UNKL: variants seen among roughly 807,000 people sequenced by gnomAD.
The protein encoded by UNKL is putative E3 ubiquitin-protein ligase UNKL.
UNKL carries 60 observed loss-of-function variants against 78.0 expected under a neutral mutation model. That is an observed-to-expected ratio of 0.77 (90% confidence interval 0.63 to 0.95). The LOEUF is 0.95. Ranked by LOEUF, UNKL falls within the 40% of genes least tolerant of loss-of-function variation. The pLI, the probability that UNKL is intolerant of heterozygous loss-of-function variation, is 0.00. For synonymous variants in UNKL, 608 were observed against 474.8 expected, an observed-to-expected ratio of 1.28 and a Z score of -3.65; for missense variants, 1,159 against 1,045.7, an observed-to-expected ratio of 1.11 and a Z score of -1.49.
chr16:1,391,160 TACACACACACAC>T (rs59407356), intron 8 of UNKL, among the ~76,000 whole-genome samples: 21 of 144,736 alleles, frequency 1.5e-4, no homozygotes, highest in African/African-American at 3.9e-4. Context: ...CAAAAAAAAA[TACACACACACAC>T]ACACACACAC....
rs2037399687 is a variant in UNKL, at chr16:1,399,041, G to A, written c.734+333C>T. The A allele has an allele frequency of 1.8e-5, 25 of 1,422,886 alleles. No individual in the cohort carries two copies. In the South Asian group the frequency reaches 3.5e-4, roughly 20 times the overall value. 88.1% of individuals were successfully genotyped at this position (1,422,886 alleles called of 1,614,324 possible). On this transcript the variant is annotated intron_variant, in intron 5 of 14. Transcript: ENST00000389221. This position sits in a 1 kb window ranked among gnomAD's most constrained non-coding sequence, Gnocchi z 5.8. ...AGCCCACAGGCTGGAGAGCGTGGCT[G>A]CAACCAGAGGCACGGGTGGGGCACA...
At chr16:1,378,312 CAT>C (rs2036382877) in intron 10 of UNKL, among the ~76,000 whole-genome samples, 3 of 152,350 alleles carry the variant, frequency 2.0e-5, no homozygotes, top group African/African-American at 7.2e-5. Flanking sequence ...GCGGTTTGCC[CAT>C]AGTCAGGTCA....
chr16:1,381,478 G>C (rs2036604614), intron 10 of UNKL, among the ~76,000 whole-genome samples: 1 of 152,088 alleles, frequency 6.6e-6, no homozygotes. Flanking sequence ...AAATTAGCCG[G>C]GCATGATGGC....
At chr16:1,406,101 C>T in intron 2 of UNKL, 1 of 455,084 alleles carries the variant, frequency 2.2e-6, no homozygotes, top group South Asian at 1.5e-5. Context: ...AGGCAGTGTA[C>T]ACGACTCCCT....
chr16:1,379,061 A>C (rs2036451968), intron 10 of UNKL: 1 of 152,126 alleles, frequency 6.6e-6, no homozygotes, highest in Non-Finnish European at 1.5e-5. Context: ...GGGCGTTAGG[A>C]AACCACCGGC....
Position 1,367,626 on chromosome 16 carries a change from C to T in UNKL, c.1788+30G>A, listed in dbSNP as rs774878136. The T allele has an allele frequency of 1.2e-5, 18 of 1,542,340 alleles. No homozygotes were observed. The East Asian group carries it at 1.2e-4, about 11-fold the overall frequency. ...GAGTCCCCTGCGGCCCTCCCTCCCC[C>T]TCACCTGTCTGGCCCCCCCACACAC... On this transcript the variant is annotated intron_variant, in intron 13 of 14. Transcript: ENST00000389221.
chr16:1,404,094 C>A lies in UNKL; in HGVS notation c.288-750G>T, dbSNP rs939962113. Among the ~76,000 whole-genome samples the A allele has an allele frequency of 2.0e-5, 3 of 152,202 alleles. No homozygotes were observed. The East Asian group carries it at 5.8e-4, about 29-fold the overall frequency. ...CACAAACCGCTCTGGCATTCCTGGG[C>A]GCCTCCAGGTAGGTCACTCCAGAAG... On this transcript the variant is annotated intron_variant, in intron 2 of 14. Coordinates refer to ENST00000389221, the MANE Select transcript of UNKL (RefSeq NM_001372107.1).
chr16:1,384,633 C>G lies in UNKL; in HGVS notation c.1264+575G>C, dbSNP rs113263439. ...ATTTTTTTTTTGAGATGGTCTCACT[C>G]TCTCACCCAGGCTGGAGTACAGTGG... On this transcript the variant is annotated intron_variant, in intron 10 of 14. Coordinates refer to ENST00000389221, the MANE Select transcript of UNKL (RefSeq NM_001372107.1). Among the ~76,000 whole-genome samples, 255 of 152,102 alleles carry G rather than the reference C, an allele frequency of 1.7e-3. 3 individuals carry two copies. The highest frequency in any genetic ancestry group is 5.3e-3 in the African/African-American group (220 of 41,476).
At chr16:1,368,550 C>T (rs1178297787) in intron 12 of UNKL, among the ~76,000 whole-genome samples, 3 of 129,352 alleles carry the variant, frequency 2.3e-5, no homozygotes, top group Non-Finnish European at 4.6e-5. Flanking sequence ...TGCAGTGAGC[C>T]GAGATTGCGC....
At chr16:1,396,645 G>A (rs1001561237) in intron 6 of UNKL, among the ~76,000 whole-genome samples, 5 of 151,938 alleles carry the variant, frequency 3.3e-5, no homozygotes, top group Non-Finnish European at 5.9e-5. Context: ...CCAGGCCAGA[G>A]TGCAGTGGCA....
intron 10 of UNKL, among the ~76,000 whole-genome samples, chr16:1,384,989 C>CT (rs1320577876): frequency 1.3e-5 from 2 of 152,248 alleles, no homozygotes; most frequent in Non-Finnish European, 2.9e-5. Flanking sequence ...TCCCCAGCGC[C>CT]TGCGGCACCC....
chr16:1,386,411 G>A (rs943784402), intron 9 of UNKL, among the ~76,000 whole-genome samples: 18 of 152,192 alleles, frequency 1.2e-4, no homozygotes, highest in African/African-American at 3.6e-4. Context: ...AAAATTAGCC[G>A]GGCGTGGTGG....
chr16:1,413,423 C>T (rs1248229185), intron 2 of UNKL, among the ~76,000 whole-genome samples: 1 of 151,978 alleles, frequency 6.6e-6, no homozygotes, highest in South Asian at 2.1e-4. Flanking sequence ...AAAAAATTAG[C>T]TGGGCATGGT....
In UNKL at chr16:1,365,511, A is replaced by G. The variant is rs1028678608; in HGVS notation, c.*729T>C. ...TGCTCCCACGCCACGAGGCTGGAAC[A>G]TCAGCCCCAGTGCCTGGTGCACACA... On this transcript the variant is annotated 3_prime_UTR_variant, in exon 15 of 15. Coordinates refer to ENST00000389221, the MANE Select transcript of UNKL (RefSeq NM_001372107.1). The G allele has an allele frequency of 6.6e-6, 1 of 152,586 alleles. No individual in the cohort carries two copies. The highest frequency in any genetic ancestry group is 1.5e-5 in the Non-Finnish European group (1 of 68,050). 9.5% of individuals were successfully genotyped at this position (152,586 alleles called of 1,614,324 possible). A position where few individuals can be genotyped will look rare whatever the true frequency, so the allele number is the denominator to read the frequency against.
intron 7 of UNKL, among the ~76,000 whole-genome samples, chr16:1,393,238 T>G (rs907718596): frequency 3.3e-5 from 5 of 152,048 alleles, no homozygotes; most frequent in African/African-American, 1.2e-4. Flanking sequence ...CCCACTAAAA[T>G]AAAAAACAAA....
At chr16:1,372,193 G>A (rs2035910334) in intron 10 of UNKL, among the ~76,000 whole-genome samples, 1 of 152,148 alleles carries the variant, frequency 6.6e-6, no homozygotes, top group Non-Finnish European at 1.5e-5. Flanking sequence ...GAACCCCAGA[G>A]GCGGAGCTTG....
Position 1,366,073 on chromosome 16 carries a change from A to T in UNKL, c.*167T>A. ...ACAACGTGTGACAGGAAAGGCTGTC[A>T]GGCCAAGCGCAGGCGGGGCTCCCAG... On this transcript the variant is annotated 3_prime_UTR_variant, in exon 15 of 15. Transcript: ENST00000389221. 1 of 742,558 alleles carries T rather than the reference A, an allele frequency of 1.3e-6. No homozygotes were observed. Among genetic ancestry groups the T allele is most frequent in the Non-Finnish European group, 2.0e-6 (1 of 503,852 alleles). The allele number at this position is 742,558 out of a possible 1,614,324, so 46.0% of individuals were successfully genotyped here.
chr16:1,388,599 T>C (rs1244427848), intron 9 of UNKL, among the ~76,000 whole-genome samples: 2 of 152,152 alleles, frequency 1.3e-5, no homozygotes, highest in South Asian at 2.1e-4. Context: ...TCAACATCCA[T>C]GTCACTCCTT....
chr16:1,403,648 A>G lies in UNKL; in HGVS notation c.288-304T>C, dbSNP rs983081210. ...GGAAACACAATGCTGAATTTCCACAAAGCTCATCCTTCCTAATGTTCCAAA... is the reference window on the plus strand; with the variant it reads ...GGAAACACAATGCTGAATTTCCACAGAGCTCATCCTTCCTAATGTTCCAAA... On this transcript the variant is annotated intron_variant, in intron 2 of 14. Coordinates refer to ENST00000389221, the MANE Select transcript of UNKL (RefSeq NM_001372107.1). The surrounding 1 kb of genome is among the most constrained non-coding windows in gnomAD (Gnocchi z 4.8). Among the ~76,000 whole-genome samples, 1 of 152,182 alleles carries G rather than the reference A, an allele frequency of 6.6e-6. No individual in the cohort carries two copies. The highest frequency in any genetic ancestry group is 2.4e-5 in the African/African-American group (1 of 41,446).
Sources: gnomAD v4.1 joint callset for allele counts (sites outside exome capture counted in the v4.1 genomes callset) on GRCh38, gnomAD v4.1.1 for gene constraint, Gnocchi (gnomAD v3.1) non-coding constraint, MANE v1.5 for transcripts, NCBI Gene and HGNC (gene_info 2026-07-23, HGNC 2026-07-21) for gene names.